DENND5B: variants seen among roughly 807,000 people sequenced by gnomAD.
DENND5B encodes the protein DENN domain containing 5B.
In DENND5B, 34 loss-of-function variants were observed where a neutral mutation model predicts 140.6. That is an observed-to-expected ratio of 0.24 (90% CI 0.18 to 0.32). The LOEUF (loss-of-function observed/expected upper bound fraction) is 0.32. Among genes scored for constraint, DENND5B ranks in the 10% least tolerant of loss-of-function variants. The pLI is 1.00. For synonymous variants in DENND5B, 551 were observed against 562.1 expected (o/e 0.98, Z 0.28); for missense variants, 1,142 against 1,560.2 (o/e 0.73, Z 4.52).
chr12:31,516,477 C>CAAA (rs58069719), intron 1 of DENND5B, among the ~76,000 whole-genome samples: 1 of 68,662 alleles, frequency 1.5e-5, no homozygotes, highest in African/African-American at 4.1e-5. Context: ...GACCCTGTCT[C>CAAA]AAAAAAAAAA....
intron 1 of DENND5B, among the ~76,000 whole-genome samples, chr12:31,577,259 G>A (rs1950045306): frequency 6.6e-6 from 1 of 152,236 alleles, no homozygotes; most frequent in African/African-American, 2.4e-5. Flanking sequence ...TAGAAAAGAG[G>A]AAGAGAAGGG....
intron 14 of DENND5B, among the ~76,000 whole-genome samples, chr12:31,405,139 G>A (rs973814415): frequency 6.6e-6 from 1 of 152,016 alleles, no homozygotes; most frequent in Non-Finnish European, 1.5e-5. Context: ...CTGGACTCAA[G>A]CGATCTTTTT....
intron 2 of DENND5B, among the ~76,000 whole-genome samples, chr12:31,484,455 G>A (rs1182384362): frequency 2.0e-5 from 3 of 152,058 alleles, no homozygotes; most frequent in African/African-American, 7.2e-5. Flanking sequence ...AAATTGGAAA[G>A]GTGGAAAAAC....
In DENND5B at chr12:31,413,600, T is replaced by C. The variant is rs11051421; in HGVS notation, c.2553-36A>G. 1,773 of 1,597,186 alleles carry C rather than the reference T, an allele frequency of 1.1e-3. 17 individuals carry two copies. The African/African-American group carries it at 0.021, about 19-fold the overall frequency. On this transcript the variant is annotated intron_variant, in intron 12 of 20. Transcript: ENST00000389082. Reference sequence around the variant, plus strand: ...GTGGCAACAGCAAAGATGTAGATTTTAAGGATAACCCTGACTAGAAAAGAA... The same window carrying C: ...GTGGCAACAGCAAAGATGTAGATTTCAAGGATAACCCTGACTAGAAAAGAA...
chr12:31,434,232 TTAAATA>T (rs372012543), intron 7 of DENND5B, among the ~76,000 whole-genome samples: 175 of 152,290 alleles, frequency 1.1e-3, no homozygotes, highest in African/African-American at 3.9e-3. Flanking sequence ...TATAAAACTC[TTAAATA>T]TAAAGACCTC....
chr12:31,571,578 T>G lies in DENND5B; in HGVS notation c.127+19128A>C, dbSNP rs1483233392. Reference sequence around the variant, plus strand: ...AATTAGAAAACTCCATTTTATCCATTCACTCTTTCTTTTTTAGAAAAATAA... The same window carrying G: ...AATTAGAAAACTCCATTTTATCCATGCACTCTTTCTTTTTTAGAAAAATAA... On this transcript the variant is annotated intron_variant, in intron 1 of 20. Coordinates refer to ENST00000389082, the MANE Select transcript of DENND5B (RefSeq NM_144973.4). Among the ~76,000 whole-genome samples the G allele has an allele frequency of 2.0e-5, 3 of 151,950 alleles. No individual in the cohort carries two copies. In the East Asian group the frequency reaches 5.8e-4, roughly 29 times the overall value.
At chr12:31,514,401 A>G (rs890233027) in intron 1 of DENND5B, among the ~76,000 whole-genome samples, 1 of 152,204 alleles carries the variant, frequency 6.6e-6, no homozygotes. Flanking sequence ...GAATAAACGA[A>G]TAATTATGAA....
At chr12:31,536,068 A>C (rs1451247006) in intron 1 of DENND5B, among the ~76,000 whole-genome samples, 1 of 152,016 alleles carries the variant, frequency 6.6e-6, no homozygotes, top group Non-Finnish European at 1.5e-5. Context: ...CCTGCTTCTA[A>C]TCATGTGAGA....
chr12:31,541,372 C>A (rs1948676376), intron 1 of DENND5B, among the ~76,000 whole-genome samples: 2 of 152,152 alleles, frequency 1.3e-5, no homozygotes, highest in Non-Finnish European at 2.9e-5. Flanking sequence ...AAAATCTAAT[C>A]ATCCAATCAA....
At chr12:31,394,907 C>T (rs545865895) in intron 17 of DENND5B, among the ~76,000 whole-genome samples, 5 of 152,090 alleles carry the variant, frequency 3.3e-5, no homozygotes, top group South Asian at 2.1e-4. Context: ...CCACCGTGCC[C>T]GGCCTATCCT....
At chr12:31,571,750 T>G (rs1204967700) in intron 1 of DENND5B, among the ~76,000 whole-genome samples, 1 of 152,126 alleles carries the variant, frequency 6.6e-6, no homozygotes, top group Non-Finnish European at 1.5e-5. Context: ...CCTGAGTAGC[T>G]GGGGAGCCAC....
intron 8 of DENND5B, chr12:31,432,203 T>C (rs751158446): frequency 1.8e-5 from 14 of 797,400 alleles, no homozygotes; most frequent in Non-Finnish European, 2.1e-5. Context: ...AAGAAAAGGA[T>C]AGGGAGAAAG....
At chr12:31,567,747 G>A (rs1339422192) in intron 1 of DENND5B, among the ~76,000 whole-genome samples, 1 of 152,092 alleles carries the variant, frequency 6.6e-6, no homozygotes, top group East Asian at 1.9e-4. Context: ...GGAGATTAAG[G>A]CTGCAGTGAG....
At chr12:31,484,954 G>A (rs981508024) in intron 2 of DENND5B, among the ~76,000 whole-genome samples, 1 of 152,104 alleles carries the variant, frequency 6.6e-6, no homozygotes, top group African/African-American at 2.4e-5. Flanking sequence ...GCGATGACCA[G>A]CTTAGTGGCT....
chr12:31,487,425 T>C (rs923963345), intron 2 of DENND5B, among the ~76,000 whole-genome samples: 9 of 152,158 alleles, frequency 5.9e-5, no homozygotes, highest in African/African-American at 2.2e-4. Flanking sequence ...TGGCTGGGTG[T>C]AGTGGCTCAC....
chr12:31,517,904 C>A (rs1947725875), intron 1 of DENND5B, among the ~76,000 whole-genome samples: 1 of 152,200 alleles, frequency 6.6e-6, no homozygotes. Context: ...CTCACACTAA[C>A]CCTTCCTATA....
At chr12:31,549,628 A>G (rs1439888115) in intron 1 of DENND5B, among the ~76,000 whole-genome samples, 2 of 151,926 alleles carry the variant, frequency 1.3e-5, no homozygotes, top group Non-Finnish European at 2.9e-5. Context: ...GGTTTGCTGC[A>G]CCTATCAACC....
chr12:31,399,917 T>C (rs574211140), intron 15 of DENND5B, 145 bp from the exon 16 acceptor site: 32 of 588,046 alleles, frequency 5.4e-5, no homozygotes, highest in Non-Finnish European at 9.8e-5. Context: ...GAGAAATATA[T>C]TCACATATAT....
At chr12:31,535,201 G>A (rs980333563) in intron 1 of DENND5B, 6 of 255,588 alleles carry the variant, frequency 2.3e-5, no homozygotes, top group East Asian at 1.1e-4. Context: ...CCAGCCATCC[G>A]CCATCACTGC....
Sources: allele counts gnomAD v4.1 joint callset (sites outside exome capture counted in the v4.1 genomes callset), GRCh38; gene constraint gnomAD v4.1.1; transcripts MANE v1.5; gene names NCBI Gene and HGNC (gene_info 2026-07-23, HGNC 2026-07-21).